C12orf42: variants seen among roughly 807,000 people sequenced by gnomAD.
The protein encoded by C12orf42 is chromosome 12 open reading frame 42, also known as uncharacterized protein C12orf42.
A neutral mutation model predicts 21.6 loss-of-function variants in C12orf42; 25 were observed. The observed-to-expected ratio is 1.16, with a 90% CI of 0.84 to 1.62. C12orf42 has a LOEUF of 1.62. Ranked by LOEUF, C12orf42 falls within the 40% of genes most tolerant of loss-of-function variation. The pLI is 0.00. For synonymous variants in C12orf42, 174 were observed against 175.0 expected (o/e 0.99, Z 0.05); for missense variants, 483 against 459.3 (o/e 1.05, Z -0.47).
intron 3 of C12orf42, among the ~76,000 whole-genome samples, chr12:103,371,137 C>A (rs1447604412): frequency 1.3e-5 from 2 of 152,126 alleles, no homozygotes; most frequent in Non-Finnish European, 2.9e-5. Context: ...ATCATCCCTG[C>A]ATAAGCAATA....
chr12:103,283,317 T>A (rs115762753), intron 4 of C12orf42, among the ~76,000 whole-genome samples: 134 of 152,308 alleles, frequency 8.8e-4, no homozygotes, highest in African/African-American at 3.1e-3. Flanking sequence ...AAGTTGCCAT[T>A]ATCACTTCTC....
rs2037684902 is a variant in C12orf42, at chr12:103,301,992, A to G, written c.*116T>C. 8.3e-6 allele frequency: 10 copies of G among 1,208,042 alleles called. No homozygotes were observed. In the South Asian group the frequency reaches 1.5e-4, roughly 19 times the overall value. The allele number at this position is 1,208,042 out of a possible 1,614,324, so 74.8% of individuals were successfully genotyped here. A position where few individuals can be genotyped will look rare whatever the true frequency, so the allele number is the denominator to read the frequency against. ...TATTTATTAGGTTCAAAAATGCTTC[A>G]CAAAAGCCTAACAATGGTTCTGTGG... On this transcript the variant is annotated 3_prime_UTR_variant, in exon 6 of 6. Transcript: ENST00000548883.
chr12:103,208,287 A>G, the C12orf42 span, among the ~76,000 whole-genome samples: 1 of 152,212 alleles, frequency 6.6e-6, no homozygotes, highest in Non-Finnish European at 1.5e-5. Flanking sequence ...ATACCAAGCC[A>G]CTAGCTTTAT....
the C12orf42 span, among the ~76,000 whole-genome samples, chr12:103,065,686 C>A: frequency 6.6e-6 from 1 of 152,160 alleles, no homozygotes; most frequent in Non-Finnish European, 1.5e-5. Context: ...CTTCTACCTT[C>A]GTAAAATTTC....
chr12:103,232,336 T>C, the C12orf42 span, among the ~76,000 whole-genome samples: 8 of 152,166 alleles, frequency 5.3e-5, no homozygotes. Context: ...ACTCTTTCTT[T>C]TATGGATTGT....
At chr12:103,301,244 A>G (rs867351918), downstream of C12orf42, among the ~76,000 whole-genome samples, 5 of 152,208 alleles carry the variant, frequency 3.3e-5, no homozygotes, top group African/African-American at 1.2e-4. Context: ...AACTCTGTGA[A>G]TCCAAGCTTG....
intron 2 of C12orf42, among the ~76,000 whole-genome samples, chr12:103,416,034 G>GTTT (rs3065787): frequency 2.0e-3 from 291 of 146,828 alleles, no homozygotes; most frequent in Middle Eastern, 7.0e-3. Context: ...TGTTTAGTGG[G>GTTT]TTTTTTTTTT....
the C12orf42 span, among the ~76,000 whole-genome samples, chr12:103,186,341 T>A: frequency 6.6e-6 from 1 of 152,194 alleles, no homozygotes; most frequent in Non-Finnish European, 1.5e-5. Flanking sequence ...TAAAAACAGT[T>A]TTCCAGGAGT....
intron 3 of C12orf42, 43 bp downstream of exon 3, chr12:103,401,564 G>A (rs372402830): frequency 3.6e-4 from 553 of 1,550,148 alleles, no homozygotes; most frequent in Non-Finnish European, 4.5e-4. Context: ...CCTAAAGGAC[G>A]GCACTATGGA....
intron 4 of C12orf42, among the ~76,000 whole-genome samples, chr12:103,315,294 A>C (rs2039351451): frequency 6.6e-6 from 1 of 152,228 alleles, no homozygotes; most frequent in Non-Finnish European, 1.5e-5. Context: ...TAAAGAATTT[A>C]AAATAAATAC....
chr12:103,257,039 A>T (rs1042446926), intron 10 of C12orf42, among the ~76,000 whole-genome samples: 1 of 152,190 alleles, frequency 6.6e-6, no homozygotes, highest in African/African-American at 2.4e-5. Context: ...AGCCATAAAA[A>T]AGAATTAGAT....
chr12:103,157,182 T>C, the C12orf42 span, among the ~76,000 whole-genome samples: 1 of 152,224 alleles, frequency 6.6e-6, no homozygotes, highest in Non-Finnish European at 1.5e-5. Context: ...TGGCATGAGA[T>C]GGTATCTCAT....
the C12orf42 span, among the ~76,000 whole-genome samples, chr12:103,510,470 G>A: frequency 1.3e-5 from 2 of 152,088 alleles, no homozygotes; most frequent in African/African-American, 2.4e-5. Flanking sequence ...ACTTACTCAT[G>A]TAACCAAATA....
chr12:103,332,561 A>C (rs1203284355), intron 4 of C12orf42, among the ~76,000 whole-genome samples: 1 of 152,224 alleles, frequency 6.6e-6, no homozygotes, highest in Admixed American at 6.5e-5. Flanking sequence ...CTTACCTGAA[A>C]ATATTTTGGT....
chr12:103,414,989 T>A (rs1025482921), intron 2 of C12orf42, among the ~76,000 whole-genome samples: 2 of 152,102 alleles, frequency 1.3e-5, no homozygotes, highest in Non-Finnish European at 2.9e-5. Context: ...GATAAAAAGA[T>A]AAGGCTCAAC....
Position 103,302,076 on chromosome 12 carries a change from G to A in C12orf42, c.*32C>T. 1 of 1,586,534 alleles carries A rather than the reference G, an allele frequency of 6.3e-7. No individual in the cohort carries two copies. Among genetic ancestry groups the A allele is most frequent in the Non-Finnish European group, 8.6e-7 (1 of 1,165,310 alleles). ...TGAGCAGGCATTGATTTGAAGATGG[G>A]CAGCACTCGCCGAACAATTCCCTCG... On this transcript the variant is annotated 3_prime_UTR_variant, in exon 6 of 6. Coordinates refer to ENST00000548883, the MANE Select transcript of C12orf42 (RefSeq NM_198521.5).
chr12:103,434,694 G>A (rs1018553514), intron 2 of C12orf42, among the ~76,000 whole-genome samples: 16 of 152,180 alleles, frequency 1.1e-4, no homozygotes, highest in East Asian at 1.9e-4. Context: ...TTTTCGGACC[G>A]GCTTAAAAAA....
the C12orf42 span, among the ~76,000 whole-genome samples, chr12:103,132,492 C>T: frequency 6.6e-6 from 1 of 152,144 alleles, no homozygotes. Flanking sequence ...GAAGACATTG[C>T]TCCAGAGATG....
the C12orf42 span, among the ~76,000 whole-genome samples, chr12:103,204,273 A>G: frequency 1.3e-5 from 2 of 152,102 alleles, no homozygotes; most frequent in Non-Finnish European, 2.9e-5. Context: ...AAAACTTTCA[A>G]CTTCTTTAAA....
Sources: allele counts gnomAD v4.1 joint callset (sites outside exome capture counted in the v4.1 genomes callset), GRCh38; gene constraint gnomAD v4.1.1; transcripts MANE v1.5; gene names NCBI Gene and HGNC (gene_info 2026-07-23, HGNC 2026-07-21).